Variants in CPNE5 observed in about 807,000 individuals in gnomAD.
The protein encoded by CPNE5 is copine 5.
Under a neutral mutation model 81.1 loss-of-function variants are expected in CPNE5, and 42 were observed. That is an observed-to-expected ratio of 0.52 (90% CI 0.40 to 0.67). CPNE5 has a LOEUF of 0.67. CPNE5 is among the 30% of genes least tolerant of loss of function. The pLI is 0.00. For missense variants in CPNE5, 612 were observed against 815.5 expected (o/e 0.75, Z 3.04); for synonymous variants, 313 against 321.5 (o/e 0.97, Z 0.28).
intron 10 of CPNE5, among the ~76,000 whole-genome samples, chr6:36,773,172 T>C (rs1767193761): frequency 6.6e-6 from 1 of 152,162 alleles, no homozygotes; most frequent in Non-Finnish European, 1.5e-5. Context: ...CCACCACGCC[T>C]GACCCCAGGT....
At chr6:36,742,959 G>C (rs148632146) in intron 20 of CPNE5, 100 of 985,354 alleles carry the variant, frequency 1.0e-4, no homozygotes, top group Middle Eastern at 5.2e-4. Context: ...CTTCCCGGGG[G>C]TGCCCTCCAT....
intron 3 of CPNE5, among the ~76,000 whole-genome samples, chr6:36,815,274 C>T (rs1348129855): frequency 6.6e-6 from 1 of 152,164 alleles, no homozygotes; most frequent in Non-Finnish European, 1.5e-5. Flanking sequence ...AAGTGAGCTC[C>T]TCTGGTTGTA....
intron 9 of CPNE5, among the ~76,000 whole-genome samples, chr6:36,777,766 CCACACACACA>C (rs34423091): frequency 0.49 from 53,561 of 109,430 alleles, 11,868 homozygotes; most frequent in Middle Eastern, 0.54. Flanking sequence ...CCCCCCCCCA[CCACACACACA>C]CACACACACA....
rs928824411 is a variant in CPNE5, at chr6:36,768,236, T to C, written c.738-2860A>G. Reference sequence around the variant, plus strand: ...CTCTATTCACAGTTCTTTTTTTTTTTTTTTTTTTTTTTTTTTGAGACAGAG... The same window carrying C: ...CTCTATTCACAGTTCTTTTTTTTTTCTTTTTTTTTTTTTTTTGAGACAGAG... On this transcript the variant is annotated intron_variant, in intron 10 of 20. Transcript: ENST00000244751. 4.0e-4 allele frequency among the ~76,000 whole-genome samples: 44 copies of C among 109,160 alleles called. 7 individuals carry two copies. Among genetic ancestry groups the C allele is most frequent in the African/African-American group, 1.3e-3 (39 of 30,364 alleles). 71.6% of individuals were successfully genotyped at this position (109,160 alleles called of 152,430 possible).
chr6:36,747,068 G>A (rs1303212755), intron 15 of CPNE5, among the ~76,000 whole-genome samples: 1 of 151,924 alleles, frequency 6.6e-6, no homozygotes, highest in Non-Finnish European at 1.5e-5. Context: ...CCCACCTCAG[G>A]ACCTTGGTGA....
chr6:36,785,738 C>A (rs766598458), intron 8 of CPNE5, among the ~76,000 whole-genome samples: 1 of 152,000 alleles, frequency 6.6e-6, no homozygotes, highest in African/African-American at 2.4e-5. Flanking sequence ...TTAGGCCTGA[C>A]GCTGTGGCTC....
chr6:36,784,304 C>A (rs1031048044), intron 8 of CPNE5, among the ~76,000 whole-genome samples: 2 of 152,242 alleles, frequency 1.3e-5, no homozygotes, highest in Non-Finnish European at 2.9e-5. Flanking sequence ...GGGGATAAAA[C>A]AGGCCTTCAG....
chr6:36,783,030 T>C (rs746887152), intron 8 of CPNE5, among the ~76,000 whole-genome samples: 21 of 152,142 alleles, frequency 1.4e-4, no homozygotes, highest in Non-Finnish European at 2.2e-4. Context: ...GGAGATGGCC[T>C]GTGTCACATC....
At chr6:36,836,488 T>C (rs1583071535) in intron 1 of CPNE5, among the ~76,000 whole-genome samples, 4 of 152,254 alleles carry the variant, frequency 2.6e-5, no homozygotes, top group African/African-American at 9.6e-5. Flanking sequence ...TTGGCCCCTC[T>C]ACCCCAGCTG....
chr6:36,772,604 A>AGCCCCTCT, intron 10 of CPNE5, among the ~76,000 whole-genome samples: 1 of 152,366 alleles, frequency 6.6e-6, no homozygotes, highest in African/African-American at 2.4e-5. Flanking sequence ...TAGAGGCGCC[A>AGCCCCTCT]CGCTGGGACA....
At chr6:36,798,298 C>T (rs1463403146) in intron 5 of CPNE5, 57 bp from the exon 6 acceptor site, 1 of 1,555,360 alleles carries the variant, frequency 6.4e-7, no homozygotes, top group African/African-American at 1.4e-5. Flanking sequence ...ACAGCTATCC[C>T]ACCTCCCCCA....
At chr6:36,748,323 G>T in intron 14 of CPNE5, 56 bp from the exon 15 acceptor site, 3 of 1,519,198 alleles carry the variant, frequency 2.0e-6, no homozygotes, top group Non-Finnish European at 9.1e-7. Flanking sequence ...GCTGTGGGAG[G>T]GGGGACAGTG....
At position 36,780,748 on chromosome 6, in the gene CPNE5, C is replaced by A. The variant is rs536059324; in HGVS notation, c.529-1791G>T. Reference sequence around the variant, plus strand: ...AACACAGCCTCCATTCATTCACTCACTCACTCATTCATTCAACATTTATTA... The same window carrying A: ...AACACAGCCTCCATTCATTCACTCAATCACTCATTCATTCAACATTTATTA... On this transcript the variant is annotated intron_variant, in intron 8 of 20. Transcript: ENST00000244751. Among the ~76,000 whole-genome samples the A allele has an allele frequency of 5.3e-5, 8 of 152,338 alleles. No homozygotes were observed. In the South Asian group the frequency reaches 1.7e-3, roughly 32 times the overall value.
At chr6:36,743,798 T>C in intron 19 of CPNE5, 36 bp from the exon 20 acceptor site, 1 of 1,568,090 alleles carries the variant, frequency 6.4e-7, no homozygotes, top group Non-Finnish European at 8.7e-7. Flanking sequence ...CGGGGTGAGA[T>C]TAACGGTGGA....
chr6:36,795,002 C>T (rs1659160184), intron 6 of CPNE5, among the ~76,000 whole-genome samples: 1 of 152,124 alleles, frequency 6.6e-6, no homozygotes, highest in African/African-American at 2.4e-5. Flanking sequence ...TTGGGAACCC[C>T]TGTTCTCCCT....
chr6:36,743,851 G>A lies in CPNE5; in HGVS notation c.1490-89C>T, dbSNP rs1763813448. 8.6e-6 allele frequency: 10 copies of A among 1,166,498 alleles called. No homozygotes were observed. In the South Asian group the frequency reaches 1.2e-4, roughly 14 times the overall value. 72.3% of individuals were successfully genotyped at this position (1,166,498 alleles called of 1,614,324 possible). A position where few individuals can be genotyped will look rare whatever the true frequency, so the allele number is the denominator to read the frequency against. ...AGAGTGGACTTGTCCTTTCATCCCA[G>A]GCCAATCCAGGGCCGAGACCACTGG... is the stretch of plus-strand genomic sequence containing the variant. On this transcript the variant is annotated intron_variant, in intron 19 of 20. Transcript: ENST00000244751.
intron 20 of CPNE5, 197 bp from the exon 21 acceptor site, chr6:36,742,683 T>A (rs1763671711): frequency 1.0e-6 from 1 of 984,750 alleles, no homozygotes; most frequent in Non-Finnish European, 1.2e-6. Context: ...ATAGTCATAG[T>A]CACTATTCTT....
At chr6:36,806,750 G>GC (rs1770628474) in intron 3 of CPNE5, among the ~76,000 whole-genome samples, 1 of 152,206 alleles carries the variant, frequency 6.6e-6, no homozygotes, top group South Asian at 2.1e-4. Flanking sequence ...ACCCTATTCT[G>GC]CTCAGACTCC....
At chr6:36,808,771 T>C (rs1380917884) in intron 3 of CPNE5, among the ~76,000 whole-genome samples, 1 of 152,200 alleles carries the variant, frequency 6.6e-6, no homozygotes, top group African/African-American at 2.4e-5. Context: ...GTGTTATCCA[T>C]AAGGTCATTC....
Sources: gnomAD v4.1 joint callset for allele counts (sites outside exome capture counted in the v4.1 genomes callset) on GRCh38, gnomAD v4.1.1 for gene constraint, MANE v1.5 for transcripts, NCBI Gene and HGNC (gene_info 2026-07-23, HGNC 2026-07-21) for gene names.